SLC24A3: variants seen among roughly 807,000 people sequenced by gnomAD.
The protein encoded by SLC24A3 is sodium/potassium/calcium exchanger 3.
SLC24A3 carries 28 observed loss-of-function variants against 75.8 expected under a neutral mutation model. The observed-to-expected ratio is 0.37, with a 90% CI of 0.27 to 0.51. The LOEUF (loss-of-function observed/expected upper bound fraction) is 0.51, where lower values mean the gene tolerates loss of function less well. SLC24A3 is among the 20% of genes least tolerant of loss of function. The pLI is 0.94. For synonymous variants in SLC24A3, 372 were observed against 334.1 expected (o/e 1.11, Z -1.24); for missense variants, 663 against 847.8 (o/e 0.78, Z 2.71).
chr20:19,523,753 C>A (rs1261894577), intron 3 of SLC24A3, among the ~76,000 whole-genome samples: 1 of 152,218 alleles, frequency 6.6e-6, no homozygotes, highest in Admixed American at 6.5e-5. Context: ...GCACCCACCT[C>A]ATCAGGCTGC....
At chr20:19,223,767 G>A (rs1487247081) in intron 1 of SLC24A3, among the ~76,000 whole-genome samples, 2 of 152,168 alleles carry the variant, frequency 1.3e-5, no homozygotes, top group African/African-American at 4.8e-5. Flanking sequence ...ATGAAGTCAG[G>A]TGCATGACGT....
At chr20:19,322,370 C>A (rs1984731036) in intron 2 of SLC24A3, among the ~76,000 whole-genome samples, 1 of 63,440 alleles carries the variant, frequency 1.6e-5, no homozygotes, top group Non-Finnish European at 4.4e-5. Flanking sequence ...TCCTTCCCTT[C>A]CTTCCTTCCT....
intron 2 of SLC24A3, among the ~76,000 whole-genome samples, chr20:19,478,929 C>A (rs368491578): frequency 6.6e-6 from 1 of 152,224 alleles, no homozygotes; most frequent in Non-Finnish European, 1.5e-5. Flanking sequence ...GATGGTCTTG[C>A]TTGTCAGTGG....
chr20:19,480,352 T>C (rs2122517636), intron 2 of SLC24A3, among the ~76,000 whole-genome samples: 1 of 152,296 alleles, frequency 6.6e-6, no homozygotes, highest in Non-Finnish European at 1.5e-5. Flanking sequence ...TGGTCACTCA[T>C]ACATATAAAT....
chr20:19,269,605 T>C (rs942615257), intron 1 of SLC24A3, among the ~76,000 whole-genome samples: 1 of 152,244 alleles, frequency 6.6e-6, no homozygotes, highest in Admixed American at 6.5e-5. Flanking sequence ...CAGCACCCTT[T>C]GAAAGCTGAA....
At chr20:19,703,604 C>A (rs2122153841) in intron 15 of SLC24A3, among the ~76,000 whole-genome samples, 1 of 152,242 alleles carries the variant, frequency 6.6e-6, no homozygotes, top group East Asian at 1.9e-4. Flanking sequence ...TAAGTTAGAT[C>A]TCATATCCTC....
chr20:19,551,417 A>C (rs2030691573), intron 3 of SLC24A3, among the ~76,000 whole-genome samples: 2 of 152,232 alleles, frequency 1.3e-5, no homozygotes, highest in South Asian at 4.1e-4. Flanking sequence ...GGTATTAAAA[A>C]GATCATCTAC....
chr20:19,424,264 T>C (rs1986962887), intron 2 of SLC24A3, among the ~76,000 whole-genome samples: 1 of 152,032 alleles, frequency 6.6e-6, no homozygotes, highest in Non-Finnish European at 1.5e-5. Context: ...GTTTCAAGAA[T>C]AGTACCATAA....
In SLC24A3 at chr20:19,429,449, G is replaced by A. The variant is rs56885142; in HGVS notation, c.272-86039G>A. 5.2e-3 allele frequency among the ~76,000 whole-genome samples: 795 copies of A among 152,350 alleles called. 10 individuals carry two copies. Among genetic ancestry groups the A allele is most frequent in the African/African-American group, 0.018 (757 of 41,582 alleles). ...GCCTTGAAAGAAGCCTATGGAAAGC[G>A]TGTGAGTAAATGCAGAGGTAATACA... On this transcript the variant is annotated intron_variant, in intron 2 of 16. Transcript: ENST00000328041.
intron 2 of SLC24A3, among the ~76,000 whole-genome samples, chr20:19,412,221 C>T (rs1438698506): frequency 1.3e-5 from 2 of 152,180 alleles, no homozygotes; most frequent in South Asian, 2.1e-4. Flanking sequence ...TAAAATTAAG[C>T]CTTAATAAAA....
At chr20:19,601,653 G>C (rs1472009287) in intron 6 of SLC24A3, among the ~76,000 whole-genome samples, 1 of 152,078 alleles carries the variant, frequency 6.6e-6, no homozygotes, top group African/African-American at 2.4e-5. Flanking sequence ...TCATGCAAGG[G>C]CTCCTGAGAC....
intron 2 of SLC24A3, among the ~76,000 whole-genome samples, chr20:19,296,683 C>T (rs558530367): frequency 1.3e-5 from 2 of 152,066 alleles, no homozygotes; most frequent in Non-Finnish European, 1.5e-5. Context: ...CAATATTAGG[C>T]CATTGAGACA....
rs777006134 is a variant in SLC24A3, at chr20:19,631,758, G to T, written c.613-22304G>T. Among the ~76,000 whole-genome samples, 8 of 151,702 alleles carry T rather than the reference G, an allele frequency of 5.3e-5. No individual in the cohort carries two copies. The East Asian group carries it at 1.6e-3, about 29-fold the overall frequency. On this transcript the variant is annotated intron_variant, in intron 6 of 16. Coordinates refer to ENST00000328041, the MANE Select transcript of SLC24A3 (RefSeq NM_020689.4). The stretch of plus-strand genomic sequence containing the variant: ...AAAAATCTTAAACCATCATAAGTTG[G>T]GGACTATCTCTGTATCTGTGTGTAT...
intron 2 of SLC24A3, among the ~76,000 whole-genome samples, chr20:19,372,856 C>T (rs1409570348): frequency 2.6e-5 from 4 of 152,044 alleles, no homozygotes; most frequent in East Asian, 3.9e-4. Flanking sequence ...TTCTCTGTGG[C>T]GGCCAGAATT....
At chr20:19,523,127 G>A (rs1353096003) in intron 3 of SLC24A3, among the ~76,000 whole-genome samples, 1 of 152,078 alleles carries the variant, frequency 6.6e-6, no homozygotes, top group Non-Finnish European at 1.5e-5. Flanking sequence ...AAAATCAGTA[G>A]CATTTCTATA....
chr20:19,389,657 T>C (rs1006749132), intron 2 of SLC24A3, among the ~76,000 whole-genome samples: 9 of 152,234 alleles, frequency 5.9e-5, no homozygotes, highest in African/African-American at 1.9e-4. Context: ...TTCAAAATTA[T>C]TACTTTTTGT....
At chr20:19,491,462 T>A (rs1988208002) in intron 2 of SLC24A3, among the ~76,000 whole-genome samples, 1 of 152,188 alleles carries the variant, frequency 6.6e-6, no homozygotes, top group Admixed American at 6.5e-5. Context: ...CTTAGCACAA[T>A]GACCTCAGGG....
chr20:19,433,572 T>G (rs995836672), intron 2 of SLC24A3, among the ~76,000 whole-genome samples: 1 of 152,238 alleles, frequency 6.6e-6, no homozygotes, highest in African/African-American at 2.4e-5. Flanking sequence ...AAAATTCTTC[T>G]GCTGCCTTGT....
At chr20:19,460,185 GT>G (rs1987645609) in intron 2 of SLC24A3, among the ~76,000 whole-genome samples, 1 of 152,136 alleles carries the variant, frequency 6.6e-6, no homozygotes, top group Non-Finnish European at 1.5e-5. Context: ...GCACCTAAGC[GT>G]GGGCGACTTC....
Sources: gnomAD v4.1 joint callset for allele counts (sites outside exome capture counted in the v4.1 genomes callset) on GRCh38, gnomAD v4.1.1 for gene constraint, MANE v1.5 for transcripts, NCBI Gene and HGNC (gene_info 2026-07-23, HGNC 2026-07-21) for gene names.